MAPK8IP3: variants seen among roughly 807,000 people sequenced by gnomAD.
MAPK8IP3 encodes the protein C-Jun-amino-terminal kinase-interacting protein 3.
A neutral mutation model predicts 157.8 loss-of-function variants in MAPK8IP3; 49 were observed. That is an observed-to-expected ratio of 0.31 (90% CI 0.25 to 0.39). The LOEUF is 0.39. Among genes scored for constraint, MAPK8IP3 ranks in the 10% least tolerant of loss-of-function variants. The pLI, the probability that MAPK8IP3 is intolerant of heterozygous loss-of-function variation, is 1.00. For synonymous variants in MAPK8IP3, 897 were observed against 777.7 expected, an observed-to-expected ratio of 1.15 and a Z score of -2.55; for missense variants, 1,478 against 1,889.4, an observed-to-expected ratio of 0.78 and a Z score of 4.04.
chr16:1,737,401 T>G (rs373938401), intron 4 of MAPK8IP3, among the ~76,000 whole-genome samples: 1 of 86,658 alleles, frequency 1.2e-5, no homozygotes, highest in Non-Finnish European at 2.3e-5. Context: ...TGTGAGCATC[T>G]GTGTGACCGT....
rs1198919166 is a variant in MAPK8IP3, at chr16:1,706,281, G to A, written c.-59G>A. ...GCGGCCTGCGGAACCTGAGGCAGCT[G>A]GGGAGGGCCGGGCGCGCCGGCCGGA... On this transcript the variant is annotated 5_prime_UTR_variant, in exon 1 of 32. Transcript: ENST00000610761. This position sits in a 1 kb window ranked among gnomAD's most constrained non-coding sequence, Gnocchi z 5.1. 8.9e-6 allele frequency: 13 copies of A among 1,457,954 alleles called. No individual in the cohort carries two copies. The highest frequency in any genetic ancestry group is 2.1e-4 in the Middle Eastern group (1 of 4,738). 90.3% of individuals were successfully genotyped at this position (1,457,954 alleles called of 1,614,324 possible).
chr16:1,761,302 A>G lies in MAPK8IP3; in HGVS notation c.1536A>G (p.Glu512=). The change falls in exon 13 of 32, where the codon GAA becomes GAG. Residue 512 remains glutamate, a synonymous_variant. Transcript: ENST00000610761. Reference sequence around the variant, plus strand: ...ATGTAAGCAGCTATCTCTGTACAGAATCGGTACATCCACTCTTCACTCTTC... The same window carrying G: ...ATGTAAGCAGCTATCTCTGTACAGAGTCGGTACATCCACTCTTCACTCTTC... The part of the protein sequence containing the change: ...AEDVSSYLCT[E]SDKIPMAQRR... The G allele has an allele frequency of 6.2e-7, 1 of 1,612,936 alleles. No individual in the cohort carries two copies. Among genetic ancestry groups the G allele is most frequent in the Non-Finnish European group, 8.5e-7 (1 of 1,179,680 alleles).
chr16:1,733,338 T>TG (rs1335104722), intron 4 of MAPK8IP3, among the ~76,000 whole-genome samples: 2 of 151,974 alleles, frequency 1.3e-5, no homozygotes, highest in Non-Finnish European at 2.9e-5. Context: ...GGTTCCGAGT[T>TG]GCAGTGATCC....
chr16:1,759,050 C>T, intron 10 of MAPK8IP3, 55 bp downstream of exon 10: 1 of 1,607,526 alleles, frequency 6.2e-7, no homozygotes, highest in Non-Finnish European at 8.5e-7. Flanking sequence ...GACATGGTCT[C>T]CTGCTTCATG....
In MAPK8IP3 at chr16:1,743,180, G is replaced by A. The variant is rs1254077387; in HGVS notation, c.603-152G>A. Among the ~76,000 whole-genome samples, 5 of 152,212 alleles carry A rather than the reference G, an allele frequency of 3.3e-5. No homozygotes were observed. Among genetic ancestry groups the A allele is most frequent in the South Asian group, 4.1e-4 (2 of 4,836 alleles). On this transcript the variant is annotated intron_variant, in intron 4 of 31. Coordinates refer to ENST00000610761, the MANE Select transcript of MAPK8IP3 (RefSeq NM_001318852.2). This position sits in a 1 kb window ranked among gnomAD's most constrained non-coding sequence, Gnocchi z 5.6. ...AGCATCATGGGAGGGGAAGCGCCACGTAGGATCATAACTGAGTAGCTGCTC... is the reference window on the plus strand; with the variant it reads ...AGCATCATGGGAGGGGAAGCGCCACATAGGATCATAACTGAGTAGCTGCTC...
chr16:1,737,195 AGC>A (rs1292085588), intron 4 of MAPK8IP3, among the ~76,000 whole-genome samples: 1 of 65,942 alleles, frequency 1.5e-5, no homozygotes, highest in African/African-American at 5.8e-5. Context: ...CGTCCGTGTG[AGC>A]GTGTGACCAT....
chr16:1,762,664 C>G lies in MAPK8IP3; in HGVS notation c.1671-11C>G. 3 of 1,544,630 alleles carry G rather than the reference C, an allele frequency of 1.9e-6. No homozygotes were observed. The highest frequency in any genetic ancestry group is 2.6e-6 in the Non-Finnish European group (3 of 1,143,828). On this transcript the variant is annotated splice_polypyrimidine_tract_variant and intron_variant, in intron 14 of 31. Transcript: ENST00000610761. ...GCACTAGCAGGTTGCTCCCTGTGCCCTCCCCTGCAGAGCGTCCCGAGAGCA... is the reference window on the plus strand; with the variant it reads ...GCACTAGCAGGTTGCTCCCTGTGCCGTCCCCTGCAGAGCGTCCCGAGAGCA...
chr16:1,764,882 G>A (rs1041505016), intron 19 of MAPK8IP3, 131 bp from the exon 20 acceptor site: 2 of 853,738 alleles, frequency 2.3e-6, no homozygotes, highest in African/African-American at 3.4e-5. Flanking sequence ...GGTCCTGGGG[G>A]AGGACAGCCA....
Position 1,724,548 on chromosome 16 carries a change from C to T in MAPK8IP3, c.319-9C>T. 6.2e-7 allele frequency: 1 copy of T among 1,612,744 alleles called. No individual in the cohort carries two copies. On this transcript the variant is annotated splice_polypyrimidine_tract_variant and intron_variant, in intron 1 of 31. Coordinates refer to ENST00000610761, the MANE Select transcript of MAPK8IP3 (RefSeq NM_001318852.2). The surrounding 1 kb of genome is among the most constrained non-coding windows in gnomAD (Gnocchi z 4.1). ...TGATGACTGCTCTTTCCCTCCCTTC[C>T]ATGCACAGAAATTCATTGAGTTTGA...
In MAPK8IP3 at chr16:1,744,597, C is replaced by T. The variant is rs945831136; in HGVS notation, c.747+1121C>T. ...ACCTGGGCCCACCTCCTCTCACTGT[C>T]TCTGGCTCACGCTTCCCGGGCCTGG... On this transcript the variant is annotated intron_variant, in intron 5 of 31. Transcript: ENST00000610761. 1.1e-5 allele frequency: 11 copies of T among 985,656 alleles called. No individual in the cohort carries two copies. The African/African-American group carries it at 1.4e-4, about 12-fold the overall frequency. 61.1% of individuals were successfully genotyped at this position (985,656 alleles called of 1,614,324 possible). A position where few individuals can be genotyped will look rare whatever the true frequency, so the allele number is the denominator to read the frequency against.
chr16:1,761,149 C>T (rs1244540646), intron 12 of MAPK8IP3, 75 bp from the exon 13 acceptor site: 16 of 1,170,370 alleles, frequency 1.4e-5, no homozygotes, highest in African/African-American at 3.0e-5. Context: ...AGGTTCGGGG[C>T]GGGCACTGCC....
At position 1,738,876 on chromosome 16, in the gene MAPK8IP3, C is replaced by T. The variant is rs531168404; in HGVS notation, c.603-4456C>T. Among the ~76,000 whole-genome samples the T allele has an allele frequency of 5.4e-4, 68 of 126,476 alleles. 1 individual carries two copies. The highest frequency in any genetic ancestry group is 9.2e-4 in the Non-Finnish European group (57 of 61,748). The allele number at this position is 126,476 out of a possible 152,430, so 83.0% of individuals were successfully genotyped here. ...GTGTGAGCGTCCGTGTGAGTGTGAC[C>T]ATCCATGTGAGCATCTGTGTGACCA... On this transcript the variant is annotated intron_variant, in intron 4 of 31. Transcript: ENST00000610761.
chr16:1,767,720 G>T lies in MAPK8IP3; in HGVS notation c.3394G>T (p.Val1132Phe). 6.2e-7 allele frequency: 1 copy of T among 1,612,708 alleles called. No homozygotes were observed. The highest frequency in any genetic ancestry group is 8.5e-7 in the Non-Finnish European group (1 of 1,179,918). Residue 1132 changes from valine (V) to phenylalanine (F), a missense_variant, in exon 27 of 32, where the codon GTC becomes TTC. This residue lies in a region of MAPK8IP3 where 68 missense variants were observed against 125.1 expected (regional missense o/e 0.54). Coordinates refer to ENST00000610761, the MANE Select transcript of MAPK8IP3 (RefSeq NM_001318852.2). The stretch of plus-strand genomic sequence containing the variant: ...ACAGGACGTGGACATTGAGCCCTAC[G>T]TCAGCAAGATGCTAGGTGAGGGGCC... ...HLQDVDIEPYVSKMLGTGKLG... is the reference protein window; with the variant it reads ...HLQDVDIEPYFSKMLGTGKLG...
At position 1,763,019 on chromosome 16, in the gene MAPK8IP3, C is replaced by T. The variant is rs202088177; in HGVS notation, c.1898+13C>T. 7.9e-5 allele frequency: 127 copies of T among 1,612,438 alleles called. No individual in the cohort carries two copies. The African/African-American group carries it at 1.6e-3, about 20-fold the overall frequency. On this transcript the variant is annotated intron_variant, in intron 16 of 31. Coordinates refer to ENST00000610761, the MANE Select transcript of MAPK8IP3 (RefSeq NM_001318852.2). Reference sequence around the variant, plus strand: ...TCTTCCCTGACGAGTGAGTGTCCCGCAGCCCCCACTTGTGGCCTGCAATGG... The same window carrying T: ...TCTTCCCTGACGAGTGAGTGTCCCGTAGCCCCCACTTGTGGCCTGCAATGG...
In MAPK8IP3 at chr16:1,766,965, G is replaced by A. The variant is rs1411467784; in HGVS notation, c.3082G>A (p.Gly1028Ser). The A allele has an allele frequency of 5.0e-6, 8 of 1,587,104 alleles. No individual in the cohort carries two copies. The highest frequency in any genetic ancestry group is 1.7e-4 in the Middle Eastern group (1 of 5,896). Residue 1028 changes from glycine (G) to serine (S), a missense_variant, in exon 25 of 32, where the codon GGT becomes AGT. By Grantham distance (56) the Gly-to-Ser change is moderately conservative. Around this residue, in one of 11 missense-constraint regions of MAPK8IP3, gnomAD observed 669 missense variants for 759.8 expected, o/e 0.88. Coordinates refer to ENST00000610761, the MANE Select transcript of MAPK8IP3 (RefSeq NM_001318852.2). ...CGGGACCCTGGCCATCTTCCACCGTGGTGAAGGTGGGGCCTGGCAGCACGG... is the reference window on the plus strand; with the variant it reads ...CGGGACCCTGGCCATCTTCCACCGTAGTGAAGGTGGGGCCTGGCAGCACGG... ...ADGTLAIFHR[G>S]EDGQWDLSNY...
intron 1 of MAPK8IP3, among the ~76,000 whole-genome samples, chr16:1,717,996 C>T (rs577371660): frequency 1.1e-3 from 172 of 151,820 alleles, no homozygotes; most frequent in African/African-American, 3.9e-3. Flanking sequence ...GGACTACAGG[C>T]GCCCGCCACC....
intron 4 of MAPK8IP3, among the ~76,000 whole-genome samples, chr16:1,739,973 TGTGACCG>T (rs2040543146): frequency 7.7e-6 from 1 of 130,418 alleles, no homozygotes; most frequent in Non-Finnish European, 1.6e-5. Flanking sequence ...CGTGTGAGCG[TGTGACCG>T]TCCGTGTGAG....
At chr16:1,729,899 C>G (rs28391307) in intron 4 of MAPK8IP3, among the ~76,000 whole-genome samples, 1 of 152,084 alleles carries the variant, frequency 6.6e-6, no homozygotes, top group African/African-American at 2.4e-5. Context: ...GCAAATGTAT[C>G]TACTCGCTAA....
intron 8 of MAPK8IP3, among the ~76,000 whole-genome samples, chr16:1,755,762 G>C (rs1041510425): frequency 6.0e-5 from 9 of 151,000 alleles, no homozygotes; most frequent in Admixed American, 2.0e-4. Context: ...CAAGTGAATC[G>C]CTTGAACCCG....
Sources: gnomAD v4.1 joint callset for allele counts (sites outside exome capture counted in the v4.1 genomes callset) on GRCh38, gnomAD v4.1.1 for gene constraint, gnomAD v4.1.1 regional missense constraint, Gnocchi (gnomAD v3.1) non-coding constraint, MANE v1.5 for transcripts, NCBI Gene and HGNC (gene_info 2026-07-23, HGNC 2026-07-21) for gene names.